LRRK1: variants seen among roughly 807,000 people sequenced by gnomAD.
The protein encoded by LRRK1 is leucine rich repeat kinase 1.
Under a neutral mutation model 209.1 loss-of-function variants are expected in LRRK1, and 113 were observed. The observed-to-expected ratio is 0.54, with a 90% CI of 0.46 to 0.63. LRRK1 has a LOEUF of 0.63. Ranked by LOEUF, LRRK1 falls within the 30% of genes least tolerant of loss-of-function variation. The pLI, the probability that LRRK1 is intolerant of heterozygous loss-of-function variation, is 0.00. For synonymous variants in LRRK1, 1,144 were observed against 1,099.7 expected, an observed-to-expected ratio of 1.04 and a Z score of -0.80; for missense variants, 2,284 against 2,632.2, an observed-to-expected ratio of 0.87 and a Z score of 2.89.
intron 2 of LRRK1, among the ~76,000 whole-genome samples, chr15:100,954,807 C>T (rs1243152934): frequency 6.6e-6 from 1 of 152,144 alleles, no homozygotes; most frequent in Non-Finnish European, 1.5e-5. Context: ...TTTGTATATG[C>T]ATACATTTAT....
chr15:100,941,166 ATG>A (rs953860701), intron 2 of LRRK1, among the ~76,000 whole-genome samples: 2 of 139,802 alleles, frequency 1.4e-5, no homozygotes, highest in South Asian at 2.4e-4. Context: ...CTGCATATCT[ATG>A]TGTGTGTCTG....
intron 3 of LRRK1, among the ~76,000 whole-genome samples, chr15:100,980,894 T>C (rs1380265217): frequency 6.6e-6 from 1 of 152,232 alleles, no homozygotes; most frequent in Non-Finnish European, 1.5e-5. Flanking sequence ...TGTATTCAAA[T>C]GCCTTGCATG....
chr15:100,975,396 C>T (rs2031234431), intron 3 of LRRK1, among the ~76,000 whole-genome samples: 1 of 152,186 alleles, frequency 6.6e-6, no homozygotes, highest in Non-Finnish European at 1.5e-5. Context: ...GGTGGAAAAG[C>T]TGTTAAAGGC....
At chr15:100,993,834 C>T (rs925292084) in intron 6 of LRRK1, among the ~76,000 whole-genome samples, 4 of 152,078 alleles carry the variant, frequency 2.6e-5, no homozygotes, top group Non-Finnish European at 2.9e-5. Context: ...TTTACCCTTC[C>T]CTTATTCCTG....
chr15:100,964,783 C>T (rs1200004696), intron 2 of LRRK1, among the ~76,000 whole-genome samples: 1 of 103,638 alleles, frequency 9.6e-6, no homozygotes, highest in Non-Finnish European at 2.2e-5. Context: ...AAGAGAAATA[C>T]ACACACACAC....
At position 101,027,509 on chromosome 15, in the gene LRRK1, G is replaced by T. The variant is rs1466885264; in HGVS notation, c.2526+128G>T. 1.3e-6 allele frequency: 2 copies of T among 1,501,884 alleles called. No individual in the cohort carries two copies. The highest frequency in any genetic ancestry group is 1.8e-6 in the Non-Finnish European group (2 of 1,114,818). The allele number at this position is 1,501,884 out of a possible 1,614,324, so 93.0% of individuals were successfully genotyped here. On this transcript the variant is annotated intron_variant, in intron 18 of 33. Transcript: ENST00000388948. The surrounding 1 kb of genome is among the most constrained non-coding windows in gnomAD (Gnocchi z 5.1). The stretch of plus-strand genomic sequence containing the variant: ...GGCTCGGTGGTTCCTGGTGAGGGAG[G>T]GTCAGGATGGAAGATAGTGGGTGGA...
chr15:100,997,075 TATA>T (rs893603323), intron 6 of LRRK1, among the ~76,000 whole-genome samples: 29 of 147,972 alleles, frequency 2.0e-4, no homozygotes, highest in Admixed American at 1.9e-3. Context: ...TGATTATTAA[TATA>T]ATCATATCTA....
intron 26 of LRRK1, among the ~76,000 whole-genome samples, chr15:101,053,677 G>C (rs557439904): frequency 1.3e-5 from 2 of 152,226 alleles, no homozygotes; most frequent in African/African-American, 4.8e-5. Context: ...CCGGAAAGCC[G>C]CTGAGTTTAT....
In LRRK1 at chr15:100,961,383, G is replaced by C. The variant is rs183305372; in HGVS notation, c.98-12421G>C. On this transcript the variant is annotated intron_variant, in intron 2 of 33. Coordinates refer to ENST00000388948, the MANE Select transcript of LRRK1 (RefSeq NM_024652.6). The stretch of plus-strand genomic sequence containing the variant: ...ACCATAGCAGTTGGTGGCTGGGCGC[G>C]GTGGCTCACGCCTGTAATCCCAGCA... Among the ~76,000 whole-genome samples the C allele has an allele frequency of 7.9e-5, 12 of 152,230 alleles. No individual in the cohort carries two copies. In the East Asian group the frequency reaches 1.9e-3, roughly 24 times the overall value.
intron 32 of LRRK1, 28 bp from the exon 33 acceptor site, chr15:101,066,612 C>A: frequency 6.2e-7 from 1 of 1,607,234 alleles, no homozygotes; most frequent in South Asian, 1.1e-5. Flanking sequence ...CGACAAATCG[C>A]TTCCCCTTCT....
intron 31 of LRRK1, chr15:101,064,443 C>T (rs74040279): frequency 0.054 from 8,263 of 153,136 alleles, 709 homozygotes; most frequent in African/African-American, 0.19. Flanking sequence ...GGCTGCGGAG[C>T]TGCACTCTGT....
At chr15:101,029,840 C>A (rs895446535) in intron 20 of LRRK1, among the ~76,000 whole-genome samples, 2 of 152,274 alleles carry the variant, frequency 1.3e-5, no homozygotes, top group Non-Finnish European at 2.9e-5. Context: ...TGCACTCCAG[C>A]CTTGGCAACA....
chr15:101,032,719 A>G (rs2034336711), intron 20 of LRRK1, among the ~76,000 whole-genome samples: 1 of 151,954 alleles, frequency 6.6e-6, no homozygotes, highest in Non-Finnish European at 1.5e-5. Flanking sequence ...TTTTTCCTGT[A>G]TATTATCCCA....
chr15:100,936,940 C>G (rs2042309665), intron 2 of LRRK1, among the ~76,000 whole-genome samples: 1 of 152,168 alleles, frequency 6.6e-6, no homozygotes, highest in African/African-American at 2.4e-5. Context: ...GCTTCTTCAA[C>G]CAACATAAGT....
rs758106459 is a variant in LRRK1, at chr15:101,061,246, C to A, written c.4755C>A (p.Ser1585Arg). The A allele has an allele frequency of 7.4e-6, 12 of 1,614,120 alleles. No individual in the cohort carries two copies. In the East Asian group the frequency reaches 8.9e-5, roughly 12 times the overall value. The stretch of plus-strand genomic sequence containing the variant: ...TGTGCTGCCCTGGGATGAAGGTGAG[C>A]TGCCAGCTCCAGGTCCAGAGATCCC... ...QRMCCPGMKV[S>R]CQLQVQRSLW... The change falls in exon 30 of 34, where the codon AGC (serine) becomes AGA (arginine). Residue 1585 changes from serine to arginine, a missense_variant. By Grantham distance (110) the Ser-to-Arg change is moderately radical (BLOSUM62 -1). Coordinates refer to ENST00000388948, the MANE Select transcript of LRRK1 (RefSeq NM_024652.6).
intron 2 of LRRK1, among the ~76,000 whole-genome samples, chr15:100,959,962 C>T (rs576221308): frequency 6.6e-6 from 1 of 152,278 alleles, no homozygotes; most frequent in South Asian, 2.1e-4. Context: ...TTCTTCCTTT[C>T]CTTGCACTCA....
Position 101,062,563 on chromosome 15 carries a change from T to C in LRRK1, c.4798-11T>C. The C allele has an allele frequency of 6.3e-7, 1 of 1,575,040 alleles. No individual in the cohort carries two copies. Among genetic ancestry groups the C allele is most frequent in the Non-Finnish European group, 8.7e-7 (1 of 1,144,312 alleles). ...GCCTGGGTCTCACAGTGGACCTGTCTGCCTCTGCAGGACCAGAAAATCTAC... is the reference window on the plus strand; with the variant it reads ...GCCTGGGTCTCACAGTGGACCTGTCCGCCTCTGCAGGACCAGAAAATCTAC... On this transcript the variant is annotated splice_polypyrimidine_tract_variant and intron_variant, in intron 30 of 33. Transcript: ENST00000388948.
At chr15:100,969,717 G>T (rs948052670) in intron 2 of LRRK1, among the ~76,000 whole-genome samples, 1 of 152,062 alleles carries the variant, frequency 6.6e-6, no homozygotes, top group Non-Finnish European at 1.5e-5. Flanking sequence ...TCATTGGTCA[G>T]CTCCCACTTA....
At chr15:100,942,974 C>G (rs1420271633) in intron 2 of LRRK1, among the ~76,000 whole-genome samples, 1 of 152,198 alleles carries the variant, frequency 6.6e-6, no homozygotes, top group Non-Finnish European at 1.5e-5. Context: ...CTGGCCATCC[C>G]TTTTCAACAA....
Sources: gnomAD v4.1 joint callset for allele counts (sites outside exome capture counted in the v4.1 genomes callset) on GRCh38, gnomAD v4.1.1 for gene constraint, Gnocchi (gnomAD v3.1) non-coding constraint, MANE v1.5 for transcripts, NCBI Gene and HGNC (gene_info 2026-07-23, HGNC 2026-07-21) for gene names.